The following DMD variants were observed in gnomAD, a reference collection of about 807,000 sequenced individuals.
DMD encodes mutant dystrophin.
In DMD, 63 loss-of-function variants were observed where a neutral mutation model predicts 330.1. The ratio of observed to expected loss-of-function variants is 0.19; its 90% CI spans 0.16 to 0.24. The LOEUF (loss-of-function observed/expected upper bound fraction) is 0.24. DMD is among the 10% of genes least tolerant of loss of function. The pLI is 1.00. For missense variants in DMD, 3,344 were observed against 2,684.1 expected, an observed-to-expected ratio of 1.25 and a Z score of -5.43; for synonymous variants, 1,223 against 959.8, an observed-to-expected ratio of 1.27 and a Z score of -5.07.
intron 44 of DMD, among the ~76,000 whole-genome samples, chrX:31,998,710 G>T (rs999413518): frequency 9.0e-6 from 1 of 111,555 alleles, no homozygotes; most frequent in East Asian, 2.8e-4. Context: ...ATTAATAAAA[G>T]AATTCACAGA....
At chrX:32,732,897 A>C (rs1400218908) in intron 7 of DMD, among the ~76,000 whole-genome samples, 1 of 110,953 alleles carries the variant, frequency 9.0e-6, no homozygotes, top group Non-Finnish European at 1.9e-5. Context: ...GACAGGATCA[A>C]ATTCACACAT....
intron 13 of DMD, among the ~76,000 whole-genome samples, chrX:32,580,389 C>A (rs1023295657): frequency 8.9e-6 from 1 of 111,984 alleles, no homozygotes; most frequent in African/African-American, 3.3e-5. Flanking sequence ...AAAGTATAAA[C>A]TTCCTGCATT....
chrX:32,515,230 A>C (rs1445276011), intron 18 of DMD, among the ~76,000 whole-genome samples: 1 of 111,509 alleles, frequency 9.0e-6, no homozygotes, highest in Non-Finnish European at 1.9e-5. Context: ...AAGCAGAGGA[A>C]GTGAAGCAAG....
intron 77 of DMD, among the ~76,000 whole-genome samples, chrX:31,131,446 G>A (rs1385666091): frequency 9.0e-6 from 1 of 111,704 alleles, no homozygotes; most frequent in Non-Finnish European, 1.9e-5. Context: ...ATACATGTGT[G>A]TACATAAACA....
intron 44 of DMD, among the ~76,000 whole-genome samples, chrX:32,150,182 A>C (rs763793454): frequency 8.9e-6 from 1 of 112,441 alleles, no homozygotes; most frequent in East Asian, 2.8e-4. Context: ...CAATGACAGC[A>C]TCTCTACAGA....
At chrX:31,513,993 C>T (rs1462929350) in intron 55 of DMD, among the ~76,000 whole-genome samples, 1 of 112,111 alleles carries the variant, frequency 8.9e-6, no homozygotes, top group Non-Finnish European at 1.9e-5. Flanking sequence ...GGCTATATTA[C>T]CTTTCAAGTT....
intron 34 of DMD, among the ~76,000 whole-genome samples, chrX:32,370,947 T>A (rs963829625): frequency 9.0e-6 from 1 of 111,331 alleles, no homozygotes; most frequent in Non-Finnish European, 1.9e-5. Flanking sequence ...TCACATTATC[T>A]AGTGATTCTC....
chrX:31,707,537 G>A (rs1040880512), intron 52 of DMD, among the ~76,000 whole-genome samples: 1 of 110,426 alleles, frequency 9.1e-6, no homozygotes, highest in African/African-American at 3.3e-5. Context: ...CATGGCGATG[G>A]GATCCGTACT....
At chrX:32,071,892 A>T (rs1878740012) in intron 44 of DMD, among the ~76,000 whole-genome samples, 1 of 111,740 alleles carries the variant, frequency 8.9e-6, no homozygotes, top group African/African-American at 3.2e-5. Context: ...CTTCAATGAT[A>T]TGTATGAAGA....
chrX:32,547,477 G>A (rs146056116), intron 16 of DMD, among the ~76,000 whole-genome samples: 2 of 110,884 alleles, frequency 1.8e-5, no homozygotes, highest in African/African-American at 6.5e-5. Flanking sequence ...CTACTACACT[G>A]TAATTGAAAA....
chrX:32,519,451 T>G (rs2046216087), intron 17 of DMD, among the ~76,000 whole-genome samples: 1 of 111,089 alleles, frequency 9.0e-6, no homozygotes, highest in African/African-American at 3.3e-5. Flanking sequence ...GCTTAATTAC[T>G]TCAACGGATA....
intron 12 of DMD, among the ~76,000 whole-genome samples, chrX:32,600,598 G>GCGCACACACA (rs762270647): frequency 1.5e-3 from 146 of 95,286 alleles, no homozygotes; most frequent in African/African-American, 5.4e-3. Context: ...ACACGCACAC[G>GCGCACACACA]CACACACACA....
intron 43 of DMD, among the ~76,000 whole-genome samples, chrX:32,222,368 A>G (rs1029488426): frequency 8.9e-6 from 1 of 112,098 alleles, no homozygotes; most frequent in East Asian, 2.8e-4. Context: ...ACCTGAAGGA[A>G]CTAGAGAATC....
At chrX:33,101,476 C>G (rs2095238636) in intron 1 of DMD, among the ~76,000 whole-genome samples, 1 of 111,554 alleles carries the variant, frequency 9.0e-6, no homozygotes, top group African/African-American at 3.3e-5. Context: ...CTAAAAAATA[C>G]AGAAATTAGC....
chrX:32,018,652 C>T (rs1286038582), intron 44 of DMD, among the ~76,000 whole-genome samples: 1 of 111,533 alleles, frequency 9.0e-6, no homozygotes, highest in Non-Finnish European at 1.9e-5. Flanking sequence ...CTTACTGTCT[C>T]ATTTATTTCG....
chrX:31,217,177 G>C (rs760832103), intron 64 of DMD, among the ~76,000 whole-genome samples: 1 of 111,939 alleles, frequency 8.9e-6, no homozygotes, highest in South Asian at 3.8e-4. Flanking sequence ...ACTTTCAATG[G>C]AGTATCAGCT....
chrX:33,273,628 A>C (rs2053193081), intron 1 of DMD, among the ~76,000 whole-genome samples: 1 of 112,252 alleles, frequency 8.9e-6, no homozygotes, highest in Non-Finnish European at 1.9e-5. Flanking sequence ...TTATATTTGA[A>C]GGGCCCACAT....
At chrX:31,188,024 A>G (rs1330149163) in intron 67 of DMD, among the ~76,000 whole-genome samples, 5 of 111,475 alleles carry the variant, frequency 4.5e-5, no homozygotes, top group Non-Finnish European at 5.7e-5. Context: ...AGAATGTTCT[A>G]CTCTTTCAAA....
intron 2 of DMD, among the ~76,000 whole-genome samples, chrX:32,909,105 T>A (rs187329522): frequency 9.8e-6 from 1 of 102,269 alleles, no homozygotes; most frequent in South Asian, 4.4e-4. Flanking sequence ...CCAAATAGGA[T>A]ATTGGCCCTT....
Sources: allele counts gnomAD v4.1 joint callset (sites outside exome capture counted in the v4.1 genomes callset), GRCh38; gene constraint gnomAD v4.1.1; transcripts MANE v1.5; gene names NCBI Gene and HGNC (gene_info 2026-07-23, HGNC 2026-07-21).